The following PHACTR3 variants were observed in gnomAD, a reference collection of about 807,000 sequenced individuals.
The protein encoded by PHACTR3 is protein phosphatase 1, regulatory subunit 123.
PHACTR3 carries 16 observed loss-of-function variants against 66.8 expected under a neutral mutation model. The ratio of observed to expected loss-of-function variants is 0.24; its 90% CI spans 0.16 to 0.36. The LOEUF (loss-of-function observed/expected upper bound fraction) is 0.36, where lower values mean the gene tolerates loss of function less well. PHACTR3 is among the 10% of genes least tolerant of loss of function. PHACTR3 has a pLI of 1.00. For missense variants in PHACTR3, 647 were observed against 719.9 expected, an observed-to-expected ratio of 0.90 and a Z score of 1.16; for synonymous variants, 323 against 292.1, an observed-to-expected ratio of 1.11 and a Z score of -1.08.
chr20:59,724,071 A>G (rs950658773), intron 1 of PHACTR3, among the ~76,000 whole-genome samples: 2 of 152,136 alleles, frequency 1.3e-5, no homozygotes, highest in Non-Finnish European at 2.9e-5. Context: ...TGACCTGAGC[A>G]GCTGCCCGGC....
intron 1 of PHACTR3, among the ~76,000 whole-genome samples, chr20:59,674,690 T>TTCCCACCTTC: frequency 8.3e-6 from 1 of 120,094 alleles, no homozygotes; most frequent in Non-Finnish European, 1.7e-5. Context: ...CCTTCTCCTG[T>TTCCCACCTTC]TCCTGCCTTC....
intron 1 of PHACTR3, among the ~76,000 whole-genome samples, chr20:59,635,169 C>CTTTCTTTCCTTT (rs1555881178): frequency 2.0e-4 from 11 of 55,368 alleles, no homozygotes; most frequent in South Asian, 7.8e-4. Flanking sequence ...TTCTTTCTTT[C>CTTTCTTTCCTTT]CTTTCTTTCT....
chr20:59,616,051 G>T (rs1296824555), intron 1 of PHACTR3, among the ~76,000 whole-genome samples: 2 of 152,162 alleles, frequency 1.3e-5, no homozygotes, highest in South Asian at 2.1e-4. Context: ...CAGATGTGTG[G>T]TCTCTGGTGT....
intron 1 of PHACTR3, among the ~76,000 whole-genome samples, chr20:59,672,594 G>A (rs377303078): frequency 3.9e-5 from 6 of 152,284 alleles, no homozygotes; most frequent in African/African-American, 1.4e-4. Flanking sequence ...AGCCTCTAAG[G>A]ATGTGAGGAT....
intron 2 of PHACTR3, among the ~76,000 whole-genome samples, chr20:59,746,658 C>G (rs1358542763): frequency 6.6e-6 from 1 of 152,232 alleles, no homozygotes; most frequent in Non-Finnish European, 1.5e-5. Context: ...TCTGCCTCCC[C>G]AACTAGACAT....
At chr20:59,806,273 G>T in intron 8 of PHACTR3, 79 bp downstream of exon 8, 2 of 1,542,618 alleles carry the variant, frequency 1.3e-6, no homozygotes, top group Non-Finnish European at 1.8e-6. Flanking sequence ...CCACATCCTG[G>T]GTGTGCCAGG....
At chr20:59,620,640 C>G (rs1173663625) in intron 1 of PHACTR3, among the ~76,000 whole-genome samples, 2 of 152,210 alleles carry the variant, frequency 1.3e-5, no homozygotes, top group African/African-American at 4.8e-5. Context: ...GTCAGTTGGA[C>G]CAATCCTGGT....
chr20:59,723,760 G>A (rs1184759254), intron 1 of PHACTR3, among the ~76,000 whole-genome samples: 1 of 151,918 alleles, frequency 6.6e-6, no homozygotes, highest in Admixed American at 6.6e-5. Flanking sequence ...GGTAAGGAGT[G>A]AGAATGGTCA....
intron 8 of PHACTR3, among the ~76,000 whole-genome samples, chr20:59,807,770 G>A (rs2041615198): frequency 6.6e-6 from 1 of 152,140 alleles, no homozygotes. Context: ...CATCTTCTGG[G>A]ACAACTATCT....
At chr20:59,712,277 C>G (rs184691360) in intron 1 of PHACTR3, among the ~76,000 whole-genome samples, 4 of 152,236 alleles carry the variant, frequency 2.6e-5, no homozygotes, top group African/African-American at 9.6e-5. Flanking sequence ...TTCTGCTATG[C>G]GTTGCATTGT....
At chr20:59,819,384 CAGCT>C (rs968565284) in intron 8 of PHACTR3, among the ~76,000 whole-genome samples, 1 of 152,056 alleles carries the variant, frequency 6.6e-6, no homozygotes, top group African/African-American at 2.4e-5. Context: ...AATTTAAAAA[CAGCT>C]AGGCATGGTG....
chr20:59,775,897 AG>A (rs2146902862), intron 7 of PHACTR3, among the ~76,000 whole-genome samples: 1 of 152,266 alleles, frequency 6.6e-6, no homozygotes, highest in East Asian at 1.9e-4. Flanking sequence ...TCTGCTGGGG[AG>A]GGGGCTGTCC....
Position 59,674,579 on chromosome 20 carries a change from TCCCC to T in PHACTR3, c.119-68525_119-68522del, listed in dbSNP as rs1272054393. On this transcript the variant is annotated intron_variant, in intron 1 of 12. Transcript: ENST00000371015. ...TTCTCCTATTCCCCGCTTCTCCTGT[TCCCC>T]CCTTCTCCTGTCCCCGCTTCTCCTG... is the stretch of plus-strand genomic sequence containing the variant. Among the ~76,000 whole-genome samples, 7 of 33,542 alleles carry T rather than the reference TCCCC, an allele frequency of 2.1e-4. 1 individual carries two copies. The highest frequency in any genetic ancestry group is 1.7e-3 in the Admixed American group (5 of 2,952). 22.0% of individuals were successfully genotyped at this position (33,542 alleles called of 152,430 possible).
chr20:59,795,181 T>A (rs1346350886), intron 7 of PHACTR3, among the ~76,000 whole-genome samples: 1 of 152,146 alleles, frequency 6.6e-6, no homozygotes, highest in Non-Finnish European at 1.5e-5. Context: ...GGGTTTGGTA[T>A]GTTTTTACTT....
chr20:59,672,627 C>T (rs1204740083), intron 1 of PHACTR3, among the ~76,000 whole-genome samples: 4 of 152,204 alleles, frequency 2.6e-5, no homozygotes, highest in Non-Finnish European at 4.4e-5. Flanking sequence ...TGTCTGCACT[C>T]GGCACATGGA....
At chr20:59,720,603 G>A (rs1198200231) in intron 1 of PHACTR3, among the ~76,000 whole-genome samples, 1 of 152,176 alleles carries the variant, frequency 6.6e-6, no homozygotes, top group Non-Finnish European at 1.5e-5. Context: ...CCACTTCAAG[G>A]GGAAGCCGAA....
chr20:59,635,139 CTTTCTTTCTT>C (rs1568948758), intron 1 of PHACTR3, among the ~76,000 whole-genome samples: 235 of 70,740 alleles, frequency 3.3e-3, no homozygotes, highest in Middle Eastern at 0.013. Flanking sequence ...TTCTTTCTTT[CTTTCTTTCTT>C]TTTCTTTCTT....
intron 7 of PHACTR3, among the ~76,000 whole-genome samples, chr20:59,788,484 C>T (rs1233325192): frequency 6.6e-6 from 1 of 152,060 alleles, no homozygotes; most frequent in East Asian, 1.9e-4. Context: ...CCCAGGACAC[C>T]ATCCCTGCCT....
chr20:59,733,314 A>G (rs978784522), intron 1 of PHACTR3, among the ~76,000 whole-genome samples: 6 of 152,076 alleles, frequency 3.9e-5, no homozygotes, highest in Non-Finnish European at 7.4e-5. Flanking sequence ...TACATTTGGG[A>G]GATTGAAATC....
Sources: allele counts gnomAD v4.1 joint callset (sites outside exome capture counted in the v4.1 genomes callset), GRCh38; gene constraint gnomAD v4.1.1; transcripts MANE v1.5; gene names NCBI Gene and HGNC (gene_info 2026-07-23, HGNC 2026-07-21).